Variants in ASTN2 observed in about 807,000 individuals in gnomAD.
ASTN2 encodes the protein astrotactin-2.
Under a neutral mutation model 139.8 loss-of-function variants are expected in ASTN2, and 54 were observed. The ratio of observed to expected loss-of-function variants is 0.39; its 90% confidence interval spans 0.31 to 0.48. The LOEUF (loss-of-function observed/expected upper bound fraction) is 0.48. Among genes scored for constraint, ASTN2 ranks in the 20% least tolerant of loss-of-function variants. The pLI is 0.95. For missense variants in ASTN2, 1,565 were observed against 1,725.1 expected (o/e 0.91, Z 1.64); for synonymous variants, 756 against 719.5 (o/e 1.05, Z -0.81).
chr9:116,499,069 C>A (rs962644504), intron 19 of ASTN2, among the ~76,000 whole-genome samples: 1 of 152,148 alleles, frequency 6.6e-6, no homozygotes, highest in African/African-American at 2.4e-5. Flanking sequence ...TCTGCACCAC[C>A]CCGACTAATG....
chr9:116,654,724 G>A lies in ASTN2; in HGVS notation c.2807-2931C>T, dbSNP rs150602656. Among the ~76,000 whole-genome samples the A allele has an allele frequency of 9.2e-5, 14 of 152,232 alleles. No homozygotes were observed. In the East Asian group the frequency reaches 2.1e-3, roughly 23 times the overall value. Reference sequence around the variant, plus strand: ...CTAATCACCAATTTATCATTTAAACGACTATCTTATGTTATCTCATATTTT... The same window carrying A: ...CTAATCACCAATTTATCATTTAAACAACTATCTTATGTTATCTCATATTTT... On this transcript the variant is annotated intron_variant, in intron 16 of 22. Coordinates refer to ENST00000313400, the MANE Select transcript of ASTN2 (RefSeq NM_001365068.1).
At chr9:117,088,602 T>C (rs1270039511) in intron 5 of ASTN2, among the ~76,000 whole-genome samples, 2 of 152,212 alleles carry the variant, frequency 1.3e-5, no homozygotes, top group East Asian at 3.9e-4. Flanking sequence ...TCAGTGGTTC[T>C]TAGTTACAGA....
chr9:116,702,015 A>G (rs1827834733), intron 16 of ASTN2, among the ~76,000 whole-genome samples: 1 of 151,994 alleles, frequency 6.6e-6, no homozygotes, highest in African/African-American at 2.4e-5. Flanking sequence ...CCGCTGAAGA[A>G]TATGCTGTTT....
At chr9:117,117,141 A>G (rs1253686459) in intron 4 of ASTN2, among the ~76,000 whole-genome samples, 1 of 152,046 alleles carries the variant, frequency 6.6e-6, no homozygotes, top group East Asian at 1.9e-4. Flanking sequence ...AAAAACAGAG[A>G]GGGGCTCATC....
At chr9:117,400,720 C>A (rs1410618622) in intron 1 of ASTN2, among the ~76,000 whole-genome samples, 2 of 152,172 alleles carry the variant, frequency 1.3e-5, no homozygotes, top group Non-Finnish European at 2.9e-5. Flanking sequence ...GTAACTCCAG[C>A]CTCAGAAGTT....
At chr9:117,225,535 G>GTATGTGTATATATATATATATATA (rs369914209) in intron 2 of ASTN2, among the ~76,000 whole-genome samples, 4 of 63,922 alleles carry the variant, frequency 6.3e-5, no homozygotes, top group African/African-American at 1.7e-4. Context: ...CAAGCTGTAT[G>GTATGTGTATATATATATATATATA]TATATATATA....
At chr9:116,942,302 G>C (rs761270453) in intron 10 of ASTN2, among the ~76,000 whole-genome samples, 1 of 152,106 alleles carries the variant, frequency 6.6e-6, no homozygotes, top group Non-Finnish European at 1.5e-5. Flanking sequence ...AACCTCCACT[G>C]AACTCACCAT....
intron 10 of ASTN2, among the ~76,000 whole-genome samples, chr9:116,883,740 T>A (rs368973146): frequency 6.0e-4 from 92 of 152,326 alleles, no homozygotes; most frequent in African/African-American, 2.1e-3. Context: ...CCCATGAAGG[T>A]AGGCCTACTT....
At chr9:117,075,500 G>A (rs1391458232) in intron 5 of ASTN2, among the ~76,000 whole-genome samples, 1 of 148,946 alleles carries the variant, frequency 6.7e-6, no homozygotes, top group Non-Finnish European at 1.5e-5. Context: ...GGGGAAGGGG[G>A]AGGGGGAGGA....
At chr9:117,051,285 A>G (rs908303196) in intron 5 of ASTN2, among the ~76,000 whole-genome samples, 1 of 152,218 alleles carries the variant, frequency 6.6e-6, no homozygotes, top group African/African-American at 2.4e-5. Flanking sequence ...TATGCCGGAT[A>G]CATTGTGCTA....
At chr9:117,328,872 T>C (rs956611959) in intron 1 of ASTN2, among the ~76,000 whole-genome samples, 60 of 152,242 alleles carry the variant, frequency 3.9e-4, no homozygotes, top group African/African-American at 1.4e-3. Flanking sequence ...CGGAGAGCCA[T>C]CTCATGGCGA....
At chr9:116,662,188 T>C (rs890049913) in intron 16 of ASTN2, among the ~76,000 whole-genome samples, 23 of 152,084 alleles carry the variant, frequency 1.5e-4, no homozygotes, top group Admixed American at 4.6e-4. Flanking sequence ...CAGCCCTGCA[T>C]GTGACCATAG....
chr9:116,486,421 G>C (rs1849340834), intron 20 of ASTN2, among the ~76,000 whole-genome samples: 1 of 152,174 alleles, frequency 6.6e-6, no homozygotes, highest in Non-Finnish European at 1.5e-5. Flanking sequence ...AATGGATGGA[G>C]GGAAAGAGGG....
At chr9:117,039,266 C>A (rs2132646777) in intron 6 of ASTN2, among the ~76,000 whole-genome samples, 1 of 152,290 alleles carries the variant, frequency 6.6e-6, no homozygotes, top group African/African-American at 2.4e-5. Flanking sequence ...GGAATGAGTT[C>A]ATGTCCTTTG....
chr9:116,515,381 G>GT (rs1850600493), intron 19 of ASTN2, among the ~76,000 whole-genome samples: 2 of 152,126 alleles, frequency 1.3e-5, no homozygotes, highest in African/African-American at 4.8e-5. Context: ...TCTAAGAATG[G>GT]TTTCCTCTCT....
At chr9:116,724,673 C>T (rs1227330930) in intron 16 of ASTN2, among the ~76,000 whole-genome samples, 3 of 152,194 alleles carry the variant, frequency 2.0e-5, no homozygotes, top group Non-Finnish European at 4.4e-5. Flanking sequence ...TCCTGGCTCC[C>T]ACATTTTGTG....
At chr9:116,926,490 C>G (rs954904758) in intron 10 of ASTN2, among the ~76,000 whole-genome samples, 1 of 152,128 alleles carries the variant, frequency 6.6e-6, no homozygotes, top group African/African-American at 2.4e-5. Flanking sequence ...CCATTTCAAC[C>G]TCTTTACCTT....
chr9:116,592,429 C>A (rs1261342046), intron 19 of ASTN2, among the ~76,000 whole-genome samples: 1 of 152,000 alleles, frequency 6.6e-6, no homozygotes, highest in Non-Finnish European at 1.5e-5. Context: ...CACTCAGTAT[C>A]ACAAGAACAG....
rs140834286 is a variant in ASTN2, at chr9:116,733,476, A to G, written c.2444T>C (p.Leu815Ser). ...CTCCTCCACCGGCAGCGGGATCACC[A>G]ACAGCCCATCGGCCAGCTGGGGAAA... ...KDFPQLADGL[L>S]VIPLPVEEQC... is the part of the protein sequence containing the mutation. Residue 815 changes from leucine (L) to serine (S), a missense_variant, in exon 14 of 23, where the codon TTG becomes TCG. Coordinates refer to ENST00000313400, the MANE Select transcript of ASTN2 (RefSeq NM_001365068.1). 539 of 1,614,192 alleles carry G rather than the reference A, an allele frequency of 3.3e-4. 1 individual carries two copies. The highest frequency in any genetic ancestry group is 7.3e-4 in the Admixed American group (44 of 60,024).
Sources: allele counts gnomAD v4.1 joint callset (sites outside exome capture counted in the v4.1 genomes callset), GRCh38; gene constraint gnomAD v4.1.1; transcripts MANE v1.5; gene names NCBI Gene and HGNC (gene_info 2026-07-23, HGNC 2026-07-21).